Variants in AKT3 observed in about 807,000 individuals in gnomAD.
The protein encoded by AKT3 is RAC-gamma serine/threonine-protein kinase.
A neutral mutation model predicts 65.3 loss-of-function variants in AKT3; 15 were observed. That is an observed-to-expected ratio of 0.23 (90% CI 0.15 to 0.35). The LOEUF (loss-of-function observed/expected upper bound fraction) is 0.35. AKT3 is among the 10% of genes least tolerant of loss of function. The pLI is 1.00. For synonymous variants in AKT3, 206 were observed against 183.8 expected (o/e 1.12, Z -0.98); for missense variants, 243 against 576.5 (o/e 0.42, Z 5.92).
chr1:243,690,123 C>T (rs140832128), intron 3 of AKT3, among the ~76,000 whole-genome samples: 350 of 151,994 alleles, frequency 2.3e-3, no homozygotes, highest in Admixed American at 5.5e-3. Flanking sequence ...AGGTAGAATT[C>T]TAGGAGAGGC....
intron 3 of AKT3, among the ~76,000 whole-genome samples, chr1:243,680,508 C>G (rs1683834786): frequency 6.6e-6 from 1 of 152,042 alleles, no homozygotes; most frequent in African/African-American, 2.4e-5. Flanking sequence ...CTGTATCTTT[C>G]CTAAATTCCA....
chr1:243,776,805 A>C (rs867343218), intron 2 of AKT3, among the ~76,000 whole-genome samples: 15 of 152,188 alleles, frequency 9.9e-5, no homozygotes, highest in African/African-American at 3.6e-4. Flanking sequence ...TGAGTGCCTA[A>C]ATGTATCATG....
chr1:243,611,455 G>T (rs1384279849), intron 8 of AKT3, among the ~76,000 whole-genome samples: 1 of 152,096 alleles, frequency 6.6e-6, no homozygotes, highest in Non-Finnish European at 1.5e-5. Context: ...GGCTGACGTG[G>T]GTGCATCACT....
chr1:243,662,807 T>C (rs1682471097), intron 4 of AKT3, among the ~76,000 whole-genome samples: 1 of 152,170 alleles, frequency 6.6e-6, no homozygotes, highest in Non-Finnish European at 1.5e-5. Context: ...CACATACCAA[T>C]GGCAAATATG....
In AKT3 at chr1:243,500,320, G is replaced by A. The variant is rs1209443632; in HGVS notation, c.*4929C>T. ...TTTGTGCACAATCAATCAATCAGGA[G>A]ACACCAGGAAGCACTATGCATTACT... is the stretch of plus-strand genomic sequence containing the variant. On this transcript the variant is annotated 3_prime_UTR_variant, in exon 14 of 14. Coordinates refer to ENST00000673466, the MANE Select transcript of AKT3 (RefSeq NM_005465.7). 4.4e-6 allele frequency: 1 copy of A among 224,786 alleles called. No individual in the cohort carries two copies. The highest frequency in any genetic ancestry group is 8.8e-6 in the Non-Finnish European group (1 of 113,656). 13.9% of individuals were successfully genotyped at this position (224,786 alleles called of 1,614,324 possible). A position where few individuals can be genotyped will look rare whatever the true frequency, so the allele number is the denominator to read the frequency against.
chr1:243,605,754 C>T (rs1677357886), intron 8 of AKT3, among the ~76,000 whole-genome samples: 1 of 152,212 alleles, frequency 6.6e-6, no homozygotes, highest in African/African-American at 2.4e-5. Context: ...TCATGCATTA[C>T]TTAACAACTG....
intron 12 of AKT3, among the ~76,000 whole-genome samples, chr1:243,536,212 G>A (rs1336830906): frequency 6.6e-6 from 1 of 152,102 alleles, no homozygotes; most frequent in Non-Finnish European, 1.5e-5. Flanking sequence ...TTGCTGTGCA[G>A]AAGCTTGTGA....
chr1:243,749,260 G>A (rs548021297), intron 2 of AKT3, among the ~76,000 whole-genome samples: 4 of 152,018 alleles, frequency 2.6e-5, no homozygotes, highest in Middle Eastern at 3.4e-3. Flanking sequence ...ACTAAATCAC[G>A]AAACTAAACC....
At chr1:243,540,444 G>A (rs568603338) in intron 12 of AKT3, among the ~76,000 whole-genome samples, 140 of 152,190 alleles carry the variant, frequency 9.2e-4, no homozygotes, top group Middle Eastern at 6.8e-3. Context: ...TCCTCAATCT[G>A]ATAAAGGAGG....
rs564934172 is a variant in AKT3 at position 243,597,049 on chromosome 1, TA to T, written c.696+16621del. Among the ~76,000 whole-genome samples the T allele has an allele frequency of 2.0e-5, 3 of 152,320 alleles. No individual in the cohort carries two copies. In the South Asian group the frequency reaches 6.2e-4, roughly 32 times the overall value. ...GGCTACCTAGGGCCACGTGTGGATG[TA>T]CTATGGGTACAGGGAAGACTGACTG... is the stretch of plus-strand genomic sequence containing the variant. On this transcript the variant is annotated intron_variant, in intron 8 of 13. Coordinates refer to ENST00000673466, the MANE Select transcript of AKT3 (RefSeq NM_005465.7).
chr1:243,512,285 AT>A (rs1558578502), intron 13 of AKT3, 38 bp downstream of exon 13: 1 of 1,130,128 alleles, frequency 8.8e-7, no homozygotes, highest in Non-Finnish European at 1.3e-6. Flanking sequence ...AGGAGAAATT[AT>A]ATTAGAAATT....
intron 2 of AKT3, among the ~76,000 whole-genome samples, chr1:243,791,828 C>G (rs1350143925): frequency 6.6e-6 from 1 of 152,152 alleles, no homozygotes; most frequent in Non-Finnish European, 1.5e-5. Flanking sequence ...AATGAATCAA[C>G]ATGTTTATCT....
chr1:243,733,944 T>C (rs1158870913), intron 2 of AKT3, among the ~76,000 whole-genome samples: 2 of 152,228 alleles, frequency 1.3e-5, no homozygotes, highest in African/African-American at 4.8e-5. Flanking sequence ...GAGGTACAAC[T>C]GTAACCATTA....
At chr1:243,514,972 C>CT (rs774728430) in intron 12 of AKT3, among the ~76,000 whole-genome samples, 3 of 152,214 alleles carry the variant, frequency 2.0e-5, no homozygotes, top group Non-Finnish European at 1.5e-5. Context: ...CTCCCATCCC[C>CT]TGCAGGCCAT....
At chr1:243,622,944 A>C (rs1678873296) in intron 6 of AKT3, among the ~76,000 whole-genome samples, 1 of 152,202 alleles carries the variant, frequency 6.6e-6, no homozygotes, top group Non-Finnish European at 1.5e-5. Flanking sequence ...ATTTTAATGG[A>C]CTTACGTGCA....
intron 8 of AKT3, among the ~76,000 whole-genome samples, chr1:243,575,676 A>ACTCC (rs1451119564): frequency 1.3e-5 from 2 of 152,194 alleles, no homozygotes; most frequent in Non-Finnish European, 2.9e-5. Context: ...GCATCATGTA[A>ACTCC]GGAGACTTGA....
chr1:243,653,509 A>G (rs1477501150), intron 4 of AKT3, among the ~76,000 whole-genome samples: 1 of 152,232 alleles, frequency 6.6e-6, no homozygotes, highest in Admixed American at 6.5e-5. Context: ...GGACTGCATT[A>G]TCCTGATAAG....
chr1:243,642,522 G>A (rs994154448), intron 5 of AKT3, among the ~76,000 whole-genome samples: 3 of 152,116 alleles, frequency 2.0e-5, no homozygotes, highest in South Asian at 2.1e-4. Context: ...TGTTAGCCAG[G>A]ATGGTCTCGA....
At chr1:243,788,476 C>T (rs566326431) in intron 2 of AKT3, among the ~76,000 whole-genome samples, 1 of 152,294 alleles carries the variant, frequency 6.6e-6, no homozygotes, top group Admixed American at 6.5e-5. Context: ...ATACTAAAAT[C>T]CACAGATATT....
Sources: allele counts gnomAD v4.1 joint callset (sites outside exome capture counted in the v4.1 genomes callset), GRCh38; gene constraint gnomAD v4.1.1; transcripts MANE v1.5; gene names NCBI Gene and HGNC (gene_info 2026-07-23, HGNC 2026-07-21).